FBLN7: variants seen among roughly 807,000 people sequenced by gnomAD.
FBLN7 encodes fibulin 7.
FBLN7 carries 31 observed loss-of-function variants against 44.0 expected under a neutral mutation model. The ratio of observed to expected loss-of-function variants is 0.70; its 90% confidence interval spans 0.53 to 0.95. The LOEUF is 0.95. Among genes scored for constraint, FBLN7 ranks in the 40% least tolerant of loss-of-function variants. FBLN7 has a pLI of 0.00. For synonymous variants in FBLN7, 262 were observed against 253.4 expected (o/e 1.03, Z -0.32); for missense variants, 573 against 618.5 (o/e 0.93, Z 0.78).
At chr2:112,160,053 C>T (rs1027801682) in intron 2 of FBLN7, among the ~76,000 whole-genome samples, 42 of 152,170 alleles carry the variant, frequency 2.8e-4, no homozygotes, top group African/African-American at 2.9e-4. Context: ...TGCAGTGGCG[C>T]GATCTCGGCT....
chr2:112,197,426 G>A, the FBLN7 span, among the ~76,000 whole-genome samples: 5 of 152,204 alleles, frequency 3.3e-5, no homozygotes, highest in Admixed American at 2.0e-4. Context: ...AAAAGATAAG[G>A]AAGGATCATT....
the FBLN7 span, chr2:112,238,242 C>T: frequency 9.1e-6 from 13 of 1,431,658 alleles, no homozygotes; most frequent in South Asian, 1.4e-4. Context: ...AAGAAAAATC[C>T]TCTGTCCGTA....
the FBLN7 span, chr2:112,236,771 G>A: frequency 7.7e-7 from 1 of 1,301,860 alleles, no homozygotes. Flanking sequence ...ACGGGGCCAG[G>A]TGCAGTGGCT....
chr2:112,233,938 A>G, the FBLN7 span, among the ~76,000 whole-genome samples: 1 of 152,196 alleles, frequency 6.6e-6, no homozygotes, highest in Non-Finnish European at 1.5e-5. Context: ...GGCCTCCCAA[A>G]CTGCTGGGAT....
At chr2:112,171,895 C>T (rs966543407) in intron 3 of FBLN7, among the ~76,000 whole-genome samples, 15 of 152,134 alleles carry the variant, frequency 9.9e-5, no homozygotes, top group Middle Eastern at 3.4e-3. Context: ...TACAGGTGCC[C>T]GCCACCATAC....
chr2:112,185,251 T>C lies in FBLN7; in HGVS notation c.859T>C (p.Cys287Arg). 1.1e-5 allele frequency: 18 copies of C among 1,613,944 alleles called. No individual in the cohort carries two copies. Among genetic ancestry groups the C allele is most frequent in the Non-Finnish European group, 1.5e-5 (18 of 1,179,884 alleles). The change falls in exon 7 of 8, where the codon TGC (cysteine) becomes CGC (arginine). Residue 287 changes from cysteine (C) to arginine (R), a missense_variant. Cys to Arg is a radical substitution (Grantham distance 180). Coordinates refer to ENST00000331203, the MANE Select transcript of FBLN7 (RefSeq NM_153214.3). ...LQPVCPQGTT[C>R]INTGGSFQCV... is the part of the protein sequence containing the mutation. ...GCCGGTGTGCCCCCAGGGGACCACATGCATCAACACCGGTGGAAGCTTCCA... is the reference window on the plus strand; with the variant it reads ...GCCGGTGTGCCCCCAGGGGACCACACGCATCAACACCGGTGGAAGCTTCCA...
the FBLN7 span, among the ~76,000 whole-genome samples, chr2:112,227,777 C>T: frequency 6.6e-6 from 1 of 152,138 alleles, no homozygotes; most frequent in Non-Finnish European, 1.5e-5. Flanking sequence ...GTACACTGTA[C>T]ACTTGTACAG....
chr2:112,200,518 GT>G, the FBLN7 span, among the ~76,000 whole-genome samples: 4 of 151,788 alleles, frequency 2.6e-5, no homozygotes, highest in African/African-American at 7.3e-5. Flanking sequence ...GGCGTAAATG[GT>G]TTTTTTTGTT....
the FBLN7 span, among the ~76,000 whole-genome samples, chr2:112,209,948 C>T: frequency 1.8e-4 from 28 of 151,962 alleles, 1 homozygote; most frequent in African/African-American, 5.5e-4. Flanking sequence ...CAAGTGGAGC[C>T]GGAGCACCAA....
the FBLN7 span, chr2:112,236,702 A>C: frequency 6.3e-7 from 1 of 1,595,834 alleles, no homozygotes. Context: ...GCAGCTAAAA[A>C]CAAAAAATTA....
chr2:112,208,332 C>T, the FBLN7 span, among the ~76,000 whole-genome samples: 1 of 151,962 alleles, frequency 6.6e-6, no homozygotes, highest in African/African-American at 2.4e-5. Flanking sequence ...ATCCTGGAGG[C>T]GGAGGTTGCA....
At chr2:112,164,551 G>T (rs1682039184) in intron 2 of FBLN7, among the ~76,000 whole-genome samples, 1 of 152,190 alleles carries the variant, frequency 6.6e-6, no homozygotes, top group Non-Finnish European at 1.5e-5. Flanking sequence ...GTGAGAAGGA[G>T]CCAGTTGTGG....
the FBLN7 span, chr2:112,215,621 T>C: frequency 6.6e-6 from 1 of 152,204 alleles, no homozygotes; most frequent in Non-Finnish European, 1.5e-5. Context: ...ATGACGAGTT[T>C]CCATTTCATG....
chr2:112,140,423 G>A (rs536127678), intron 1 of FBLN7, among the ~76,000 whole-genome samples: 44 of 152,188 alleles, frequency 2.9e-4, no homozygotes, highest in Non-Finnish European at 5.4e-4. Flanking sequence ...CCACTCGGAT[G>A]CCTGGGTTGA....
chr2:112,207,399 A>C, the FBLN7 span, among the ~76,000 whole-genome samples: 3 of 150,968 alleles, frequency 2.0e-5, no homozygotes, highest in South Asian at 6.3e-4. Flanking sequence ...CCCAGGAGGC[A>C]GAGGTTGTAT....
rs1682706863 is a variant in FBLN7 at position 112,175,709 on chromosome 2, C to T, written c.407-5C>T. 1 of 1,613,906 alleles carries T rather than the reference C, an allele frequency of 6.2e-7. No individual in the cohort carries two copies. The highest frequency in any genetic ancestry group is 1.3e-5 in the African/African-American group (1 of 74,912). Reference sequence around the variant, plus strand: ...CGTATATTTGAAAATTATTTATCTTCCTAGGTATCAGTGAATGCTCCAGCC... The same window carrying T: ...CGTATATTTGAAAATTATTTATCTTTCTAGGTATCAGTGAATGCTCCAGCC... On this transcript the variant is annotated splice_polypyrimidine_tract_variant and splice_region_variant and intron_variant, in intron 3 of 7. Coordinates refer to ENST00000331203, the MANE Select transcript of FBLN7 (RefSeq NM_153214.3).
At chr2:112,237,494 T>G in the FBLN7 span, among the ~76,000 whole-genome samples, 2 of 152,224 alleles carry the variant, frequency 1.3e-5, no homozygotes, top group Non-Finnish European at 2.9e-5. Flanking sequence ...CATAGTCTAC[T>G]GGAGCCTCGA....
the FBLN7 span, among the ~76,000 whole-genome samples, chr2:112,222,593 G>A: frequency 6.6e-6 from 1 of 152,066 alleles, no homozygotes; most frequent in African/African-American, 2.4e-5. Flanking sequence ...AAATCACAAG[G>A]GACAGAAAAT....
the FBLN7 span, among the ~76,000 whole-genome samples, chr2:112,232,739 G>T: frequency 6.6e-6 from 1 of 151,978 alleles, no homozygotes; most frequent in African/African-American, 2.4e-5. Flanking sequence ...AATGCCTGAA[G>T]AAAAAAATTT....
Sources: gnomAD v4.1 joint callset for allele counts (sites outside exome capture counted in the v4.1 genomes callset) on GRCh38, gnomAD v4.1.1 for gene constraint, MANE v1.5 for transcripts, NCBI Gene and HGNC (gene_info 2026-07-23, HGNC 2026-07-21) for gene names.